The following DPP10 variants were observed in gnomAD, a reference collection of about 807,000 sequenced individuals.
DPP10 encodes the protein inactive dipeptidyl peptidase 10.
DPP10 carries 33 observed loss-of-function variants against 120.9 expected under a neutral mutation model. That is an observed-to-expected ratio of 0.27 (90% CI 0.21 to 0.37). The LOEUF (loss-of-function observed/expected upper bound fraction) is 0.37, where lower values mean the gene tolerates loss of function less well. Among genes scored for constraint, DPP10 ranks in the 10% least tolerant of loss-of-function variants. The probability of loss-of-function intolerance (pLI) is 1.00; values close to 1 mark genes in which losing one functional copy is unlikely to be tolerated. For synonymous variants in DPP10, 337 were observed against 326.1 expected, an observed-to-expected ratio of 1.03 and a Z score of -0.36; for missense variants, 816 against 942.8, an observed-to-expected ratio of 0.87 and a Z score of 1.76.
intron 21 of DPP10, among the ~76,000 whole-genome samples, chr2:115,829,258 ATAGC>A (rs1290277127): frequency 6.6e-6 from 1 of 152,156 alleles, no homozygotes; most frequent in Non-Finnish European, 1.5e-5. Flanking sequence ...ATAGTTTCAA[ATAGC>A]TAGCCAGTTT....
intron 1 of DPP10, among the ~76,000 whole-genome samples, chr2:115,140,345 G>GTTTCT (rs2050861576): frequency 6.6e-6 from 1 of 152,188 alleles, no homozygotes; most frequent in Admixed American, 6.5e-5. Flanking sequence ...GGACCAGCAA[G>GTTTCT]GCAGGCAGCA....
At chr2:115,832,761 T>C (rs1559216534) in intron 21 of DPP10, among the ~76,000 whole-genome samples, 1 of 152,080 alleles carries the variant, frequency 6.6e-6, no homozygotes, top group Non-Finnish European at 1.5e-5. Context: ...GTGCCCATTC[T>C]CCACAGATTG....
chr2:115,288,815 T>G (rs532936137), intron 1 of DPP10, among the ~76,000 whole-genome samples: 1 of 152,114 alleles, frequency 6.6e-6, no homozygotes, highest in East Asian at 1.9e-4. Flanking sequence ...AAACCACATA[T>G]GACAAAGGCA....
At chr2:115,761,493 G>C (rs987819050) in intron 11 of DPP10, among the ~76,000 whole-genome samples, 1 of 152,048 alleles carries the variant, frequency 6.6e-6, no homozygotes, top group Non-Finnish European at 1.5e-5. Flanking sequence ...GAAATAATGA[G>C]ACAAACAATA....
intron 1 of DPP10, among the ~76,000 whole-genome samples, chr2:115,198,842 A>G (rs1201683000): frequency 6.6e-6 from 1 of 152,164 alleles, no homozygotes; most frequent in Admixed American, 6.5e-5. Context: ...CCTCTTCCAA[A>G]TGAGTGCTTA....
intron 3 of DPP10, among the ~76,000 whole-genome samples, chr2:115,384,256 C>A (rs2066677620): frequency 6.6e-6 from 1 of 152,058 alleles, no homozygotes; most frequent in Non-Finnish European, 1.5e-5. Context: ...CACCTGTAAT[C>A]CCAGAACTTG....
At chr2:114,967,874 G>A (rs569249567) in intron 1 of DPP10, among the ~76,000 whole-genome samples, 4 of 152,096 alleles carry the variant, frequency 2.6e-5, no homozygotes, top group African/African-American at 9.6e-5. Context: ...TCACAGAACA[G>A]CATCATGAGC....
In DPP10 at chr2:114,956,360, T is replaced by TAA. The variant is rs34234834; in HGVS notation, c.61-352870_61-352869dup. Among the ~76,000 whole-genome samples the TAA allele has an allele frequency of 8.5e-4, 127 of 148,770 alleles. 1 individual carries two copies. Among genetic ancestry groups the TAA allele is most frequent in the African/African-American group, 2.3e-3 (94 of 40,616 alleles). ...TTTACAGTAGAATAAAGAATAAATT[T>TAA]AAAAAAAAAACATGTAGGAGTAAAT... On this transcript the variant is annotated intron_variant, in intron 1 of 25. Transcript: ENST00000410059.
At chr2:115,359,179 A>G (rs1225924937) in intron 3 of DPP10, among the ~76,000 whole-genome samples, 1 of 152,140 alleles carries the variant, frequency 6.6e-6, no homozygotes, top group African/African-American at 2.4e-5. Flanking sequence ...TGATCATGTT[A>G]TTACCTGGTT....
Position 115,648,136 on chromosome 2 carries a change from C to CA in DPP10, c.442-41541dup, listed in dbSNP as rs902503172. Reference sequence around the variant, plus strand: ...GTACCAGAAGAATTCTCCACCAGAGCAAAAAAAAAATAGTGAGAACCTAAG... The same window carrying CA: ...GTACCAGAAGAATTCTCCACCAGAGCAAAAAAAAAAATAGTGAGAACCTAAG... On this transcript the variant is annotated intron_variant, in intron 5 of 25. Transcript: ENST00000410059. Among the ~76,000 whole-genome samples the CA allele has an allele frequency of 2.0e-3, 293 of 146,308 alleles. 1 individual carries two copies. Among genetic ancestry groups the CA allele is most frequent in the African/African-American group, 6.2e-3 (248 of 40,006 alleles).
intron 3 of DPP10, among the ~76,000 whole-genome samples, chr2:115,347,345 G>A (rs942773234): frequency 2.0e-5 from 3 of 151,996 alleles, no homozygotes; most frequent in African/African-American, 7.2e-5. Flanking sequence ...GAACTCCCCC[G>A]GAAATAGGGT....
chr2:114,446,497 C>T (rs1193136041), intron 1 of DPP10, among the ~76,000 whole-genome samples: 1 of 152,006 alleles, frequency 6.6e-6, no homozygotes, highest in Admixed American at 6.6e-5. Context: ...TTTACCCTTC[C>T]CATGTAGTGA....
At chr2:115,051,524 A>C (rs2105346010) in intron 1 of DPP10, among the ~76,000 whole-genome samples, 1 of 152,300 alleles carries the variant, frequency 6.6e-6, no homozygotes, top group African/African-American at 2.4e-5. Context: ...ATCCACACAA[A>C]GAAATTAAGA....
chr2:115,415,841 T>TA lies in DPP10; in HGVS notation c.271+71929_271+71930insA, dbSNP rs773341293. Among the ~76,000 whole-genome samples, 554 of 74,272 alleles carry TA rather than the reference T, an allele frequency of 7.5e-3. 10 individuals are homozygous for TA. The highest frequency in any genetic ancestry group is 0.02 in the African/African-American group (392 of 19,518). 48.7% of individuals were successfully genotyped at this position (74,272 alleles called of 152,430 possible). The stretch of plus-strand genomic sequence containing the variant: ...ATCTGTCTTTATACCTGATTTGCTT[T>TA]TATATATATATATATATATATATAT... On this transcript the variant is annotated intron_variant, in intron 3 of 25. Coordinates refer to ENST00000410059, the MANE Select transcript of DPP10 (RefSeq NM_020868.6).
At chr2:114,608,826 G>A (rs1038705122) in intron 1 of DPP10, among the ~76,000 whole-genome samples, 1 of 152,092 alleles carries the variant, frequency 6.6e-6, no homozygotes, top group Non-Finnish European at 1.5e-5. Flanking sequence ...CATATAAATG[G>A]GAGCTAAATA....
At chr2:115,382,175 T>A (rs2066434953) in intron 3 of DPP10, among the ~76,000 whole-genome samples, 1 of 152,166 alleles carries the variant, frequency 6.6e-6, no homozygotes, top group Non-Finnish European at 1.5e-5. Flanking sequence ...CACCTTGCAG[T>A]TTGATCTCAG....
intron 1 of DPP10, among the ~76,000 whole-genome samples, chr2:114,677,279 C>G (rs913883159): frequency 6.6e-6 from 1 of 152,094 alleles, no homozygotes; most frequent in Non-Finnish European, 1.5e-5. Flanking sequence ...AAGAAAAATC[C>G]ACAGTTGTGA....
At chr2:115,223,118 G>A (rs1234746046) in intron 1 of DPP10, among the ~76,000 whole-genome samples, 1 of 152,098 alleles carries the variant, frequency 6.6e-6, no homozygotes, top group Non-Finnish European at 1.5e-5. Flanking sequence ...AAGAAAGCCA[G>A]TGCATTATTT....
intron 1 of DPP10, among the ~76,000 whole-genome samples, chr2:114,541,135 A>T (rs1686915774): frequency 6.6e-6 from 1 of 152,146 alleles, no homozygotes; most frequent in African/African-American, 2.4e-5. Context: ...AGGGGTTGTG[A>T]TTTCCGATGG....
Sources: gnomAD v4.1 joint callset for allele counts (sites outside exome capture counted in the v4.1 genomes callset) on GRCh38, gnomAD v4.1.1 for gene constraint, MANE v1.5 for transcripts, NCBI Gene and HGNC (gene_info 2026-07-23, HGNC 2026-07-21) for gene names.